The following PLCG2 variants were observed in gnomAD, a reference collection of about 807,000 sequenced individuals.
PLCG2 encodes the protein phospholipase C gamma 2.
In PLCG2, 69 loss-of-function variants were observed where a neutral mutation model predicts 175.6. The ratio of observed to expected loss-of-function variants is 0.39; its 90% CI spans 0.32 to 0.48. PLCG2 has a LOEUF of 0.48. Among genes scored for constraint, PLCG2 ranks in the 20% least tolerant of loss-of-function variants. The pLI, the probability that PLCG2 is intolerant of heterozygous loss-of-function variation, is 0.91. For missense variants in PLCG2, 1,798 were observed against 1,650.9 expected (o/e 1.09, Z -1.54); for synonymous variants, 827 against 624.0 (o/e 1.33, Z -4.85).
chr16:81,879,552 C>T (rs563687791), intron 7 of PLCG2, among the ~76,000 whole-genome samples: 2 of 152,098 alleles, frequency 1.3e-5, no homozygotes, highest in Non-Finnish European at 2.9e-5. Flanking sequence ...TTTCTAGAAC[C>T]CTGATAGTCC....
rs565186546 is a variant in PLCG2 at position 81,793,941 on chromosome 16, C to G, written c.193+7759C>G. On this transcript the variant is annotated intron_variant, in intron 2 of 32. Transcript: ENST00000564138. ...TCTTCCTGCTCTGTGTTGTTTTCTT[C>G]TCCTAAATGATCTCAAAGACGTATC... is the stretch of plus-strand genomic sequence containing the variant. 3.3e-5 allele frequency among the ~76,000 whole-genome samples: 5 copies of G among 152,334 alleles called. No individual in the cohort carries two copies. The South Asian group carries it at 8.3e-4, about 25-fold the overall frequency.
At chr16:81,895,553 C>T (rs7194497) in intron 12 of PLCG2, 372,952 of 407,938 alleles carry the variant, frequency 0.91, 171,069 homozygotes, top group East Asian at 1. Flanking sequence ...GAGCGAGACT[C>T]TGTCTTAAAA....
intron 2 of PLCG2, among the ~76,000 whole-genome samples, chr16:81,821,909 A>C (rs1904816904): frequency 6.6e-6 from 1 of 151,700 alleles, no homozygotes; most frequent in African/African-American, 2.4e-5. Context: ...AGAGAGAGCC[A>C]GACAGGCCTG....
chr16:81,935,755 G>A (rs1910679971), intron 26 of PLCG2: 1 of 985,180 alleles, frequency 1.0e-6, no homozygotes, highest in Non-Finnish European at 1.2e-6. Context: ...CTACCTGTGG[G>A]CTTTGGCAGG....
upstream of PLCG2, among the ~76,000 whole-genome samples, chr16:81,778,071 C>CAAAAAAAAAT (rs1567458002): frequency 1.4e-3 from 106 of 77,186 alleles, 10 homozygotes; most frequent in African/African-American, 5.4e-3. Context: ...AAACCAAAAA[C>CAAAAAAAAAT]ACACACACAC....
At chr16:81,916,316 T>TA (rs1212995437) in intron 19 of PLCG2, among the ~76,000 whole-genome samples, 2 of 151,826 alleles carry the variant, frequency 1.3e-5, no homozygotes, top group Non-Finnish European at 2.9e-5. Context: ...CAACGTTTTT[T>TA]AAAAAAAGAA....
chr16:81,945,593 G>A (rs768701818), intron 30 of PLCG2, among the ~76,000 whole-genome samples: 6 of 152,112 alleles, frequency 3.9e-5, no homozygotes, highest in African/African-American at 1.4e-4. Context: ...GGGGAGATTC[G>A]GCTCCAACTT....
At chr16:81,925,885 C>G (rs75715894) in intron 22 of PLCG2, among the ~76,000 whole-genome samples, 1 of 19,760 alleles carries the variant, frequency 5.1e-5, no homozygotes, top group Non-Finnish European at 1.3e-4. Flanking sequence ...GACTCTGTCT[C>G]AAAAAAAAAA....
chr16:81,764,139 A>T (rs1252953854), intron 2 of PLCG2, among the ~76,000 whole-genome samples: 2 of 151,802 alleles, frequency 1.3e-5, no homozygotes, highest in African/African-American at 2.4e-5. Flanking sequence ...TAAAAAATTT[A>T]AAAAATTAGC....
chr16:81,797,592 G>T (rs1260535423), intron 2 of PLCG2, among the ~76,000 whole-genome samples: 1 of 152,196 alleles, frequency 6.6e-6, no homozygotes, highest in Non-Finnish European at 1.5e-5. Context: ...GCCTGTGGCT[G>T]GTGCTCCTCA....
intron 22 of PLCG2, among the ~76,000 whole-genome samples, chr16:81,924,078 G>A (rs753458976): frequency 1.3e-5 from 2 of 152,126 alleles, no homozygotes. Flanking sequence ...CCATAGTCCC[G>A]TGCTGTGTGC....
intron 2 of PLCG2, among the ~76,000 whole-genome samples, chr16:81,853,770 A>G (rs1906542078): frequency 6.6e-6 from 1 of 152,146 alleles, no homozygotes; most frequent in Non-Finnish European, 1.5e-5. Flanking sequence ...TGGCTATATA[A>G]GGCATAAATA....
intron 2 of PLCG2, among the ~76,000 whole-genome samples, chr16:81,809,269 C>G (rs1248961495): frequency 6.6e-6 from 1 of 152,106 alleles, no homozygotes; most frequent in Non-Finnish European, 1.5e-5. Context: ...GCCTGTGGTG[C>G]AGGATAGGCT....
At position 81,891,549 on chromosome 16, in the gene PLCG2, C is replaced by G. The variant is rs372795428; in HGVS notation, c.945C>G (p.Asn315Lys). 2 of 1,610,556 alleles carry G rather than the reference C, an allele frequency of 1.2e-6. No individual in the cohort carries two copies. Among genetic ancestry groups the G allele is most frequent in the Non-Finnish European group, 8.5e-7 (1 of 1,176,840 alleles). Residue 315 changes from asparagine (N) to lysine (K), a missense_variant, in exon 11 of 33, where the codon AAC becomes AAG. Physicochemically the swap from Asn to Lys is moderately conservative, Grantham distance 94. Coordinates refer to ENST00000564138, the MANE Select transcript of PLCG2 (RefSeq NM_002661.5). The part of the protein sequence containing the change: ...KYDAVDMQDM[N>K]NPLSHYWISS... ...ACGCGGTGGACATGCAGGACATGAA[C>G]AACCCCCTGTCTCATTACTGGATCT...
chr16:81,936,865 C>T (rs974115145), intron 27 of PLCG2, among the ~76,000 whole-genome samples: 5 of 152,194 alleles, frequency 3.3e-5, no homozygotes, highest in African/African-American at 7.2e-5. Flanking sequence ...TCATCAGTAG[C>T]CTCCTTTACA....
intron 2 of PLCG2, among the ~76,000 whole-genome samples, chr16:81,810,046 C>T (rs1904304192): frequency 6.6e-6 from 1 of 151,452 alleles, no homozygotes; most frequent in African/African-American, 2.4e-5. Context: ...GGCTGGAGTT[C>T]AGTGGCGTGA....
chr16:81,888,908 A>G (rs1490242029), intron 9 of PLCG2, among the ~76,000 whole-genome samples: 44 of 152,320 alleles, frequency 2.9e-4, no homozygotes, highest in Admixed American at 2.4e-3. Flanking sequence ...TTGCAACACA[A>G]CAGCGGAGTT....
At chr16:81,878,372 A>G (rs139966263) in intron 7 of PLCG2, among the ~76,000 whole-genome samples, 9 of 152,272 alleles carry the variant, frequency 5.9e-5, no homozygotes, top group African/African-American at 1.7e-4. Context: ...GCACCTTGCA[A>G]AGACCCTAAT....
intron 2 of PLCG2, among the ~76,000 whole-genome samples, chr16:81,834,579 C>G (rs1905417182): frequency 8.6e-6 from 1 of 116,094 alleles, no homozygotes; most frequent in East Asian, 3.4e-4. Context: ...TTGATAGACC[C>G]TGGATCTGCA....
Sources: allele counts gnomAD v4.1 joint callset (sites outside exome capture counted in the v4.1 genomes callset), GRCh38; gene constraint gnomAD v4.1.1; transcripts MANE v1.5; gene names NCBI Gene and HGNC (gene_info 2026-07-23, HGNC 2026-07-21).